The following COPA variants were observed in gnomAD, a reference collection of about 807,000 sequenced individuals.
The protein encoded by COPA is coat protein complex I subunit alpha.
In COPA, 10 loss-of-function variants were observed where a neutral mutation model predicts 158.7. That is an observed-to-expected ratio of 0.06 (90% confidence interval 0.04 to 0.11). The LOEUF (loss-of-function observed/expected upper bound fraction) is 0.11. Ranked by LOEUF, COPA falls within the 10% of genes least tolerant of loss-of-function variation. The pLI is 1.00. For missense variants in COPA, 1,065 were observed against 1,536.7 expected (o/e 0.69, Z 5.13); for synonymous variants, 462 against 542.8 (o/e 0.85, Z 2.07).
In COPA at chr1:160,293,038, G is replaced by T. The variant is rs544103946; in HGVS notation, c.2823+128C>A. On this transcript the variant is annotated intron_variant, in intron 27 of 32. Transcript: ENST00000241704. ...GGCAAGTGTACTTAACAAAGATAAA[G>T]AGTTTTCATGAAAAATATACACCTT... The T allele has an allele frequency of 5.3e-4, 499 of 948,940 alleles. 6 individuals carry two copies. The East Asian group carries it at 0.012, about 23-fold the overall frequency. The allele number at this position is 948,940 out of a possible 1,614,324, so 58.8% of individuals were successfully genotyped here.
intron 19 of COPA, among the ~76,000 whole-genome samples, chr1:160,298,458 C>T (rs761033967): frequency 5.3e-5 from 8 of 152,164 alleles, no homozygotes; most frequent in Non-Finnish European, 8.8e-5. Context: ...TTCATAAGCT[C>T]TTTTCGCCTT....
intron 9 of COPA, among the ~76,000 whole-genome samples, chr1:160,313,750 G>C (rs1391847302): frequency 6.6e-6 from 1 of 152,108 alleles, no homozygotes; most frequent in Admixed American, 6.5e-5. Flanking sequence ...TACAGAACTG[G>C]GGAAAGGGGG....
At chr1:160,336,206 G>A (rs929832459) in intron 3 of COPA, among the ~76,000 whole-genome samples, 12 of 151,840 alleles carry the variant, frequency 7.9e-5, no homozygotes, top group Admixed American at 1.3e-4. Context: ...AAAATTAGCC[G>A]GATGTGATCC....
intron 4 of COPA, among the ~76,000 whole-genome samples, chr1:160,334,064 T>G (rs1260741351): frequency 6.6e-6 from 1 of 152,236 alleles, no homozygotes; most frequent in Non-Finnish European, 1.5e-5. Context: ...GGGAATATTA[T>G]TTTATTGTCT....
At chr1:160,325,347 A>G (rs1659455982) in intron 7 of COPA, among the ~76,000 whole-genome samples, 196 bp downstream of exon 7, 2 of 151,584 alleles carry the variant, frequency 1.3e-5, no homozygotes, top group South Asian at 2.1e-4. Flanking sequence ...AGGTAATAAG[A>G]CTCTCCCTCA....
Position 160,297,632 on chromosome 1 carries a change from G to C in COPA, c.2091C>G (p.Thr697=), listed in dbSNP as rs755246796. Residue 697 remains threonine, a synonymous_variant, in exon 20 of 33, where the codon ACC becomes ACG. Coordinates refer to ENST00000241704, the MANE Select transcript of COPA (RefSeq NM_004371.4). ...HQIVEMCYQR[T]KNFDKLSFLY... is the part of the protein sequence containing the mutation. ...GGAAGGAAAGTTTGTCAAAGTTTTTGGTACGCTGATAGCACATTTCCACAA... is the reference window on the plus strand; with the variant it reads ...GGAAGGAAAGTTTGTCAAAGTTTTTCGTACGCTGATAGCACATTTCCACAA... The C allele has an allele frequency of 6.2e-7, 1 of 1,614,092 alleles. No individual in the cohort carries two copies. Among genetic ancestry groups the C allele is most frequent in the Non-Finnish European group, 8.5e-7 (1 of 1,180,000 alleles).
At chr1:160,327,538 G>A (rs982723123) in intron 6 of COPA, among the ~76,000 whole-genome samples, 46 of 145,910 alleles carry the variant, frequency 3.2e-4, no homozygotes, top group African/African-American at 1.0e-3. Flanking sequence ...CAGCCTGGGC[G>A]AAAGAACGAA....
In COPA at chr1:160,294,790, A is replaced by G. The variant is rs144925259; in HGVS notation, c.2544T>C (p.Asp848=). The G allele has an allele frequency of 1.9e-4, 312 of 1,614,072 alleles. No homozygotes were observed. Among genetic ancestry groups the G allele is most frequent in the Middle Eastern group, 4.9e-4 (3 of 6,084 alleles). ...DTVGTEGWGE[D]AELQLDEDGF... The stretch of plus-strand genomic sequence containing the variant: ...TACCTTCATCCAACTGCAGCTCTGC[A>G]TCCTCTCCCCAGCCCTCTGTACCAA... The change falls in exon 24 of 33, where the codon GAT becomes GAC. Residue 848 remains aspartate, a synonymous_variant. Coordinates refer to ENST00000241704, the MANE Select transcript of COPA (RefSeq NM_004371.4).
At chr1:160,305,640 GT>G in intron 16 of COPA, 47 bp downstream of exon 16, 2 of 1,613,888 alleles carry the variant, frequency 1.2e-6, no homozygotes, top group Non-Finnish European at 1.7e-6. Context: ...AGGGATCGGG[GT>G]GGAAGGGAAT....
intron 14 of COPA, 115 bp downstream of exon 14, chr1:160,307,048 T>C (rs1274115050): frequency 9.9e-7 from 1 of 1,007,748 alleles, no homozygotes; most frequent in Non-Finnish European, 1.5e-6. Context: ...AGCCAATACA[T>C]GAGAATCACG....
intron 1 of COPA, among the ~76,000 whole-genome samples, chr1:160,342,388 A>T (rs1648116357): frequency 6.6e-6 from 1 of 152,070 alleles, no homozygotes; most frequent in Admixed American, 6.6e-5. Context: ...TGAGGCTAAT[A>T]CTGCGATCTC....
chr1:160,313,407 C>T (rs1659033363), intron 9 of COPA, among the ~76,000 whole-genome samples: 1 of 119,114 alleles, frequency 8.4e-6, no homozygotes, highest in Non-Finnish European at 1.7e-5. Flanking sequence ...AATTTTATGG[C>T]TTTCATTCTG....
intron 8 of COPA, among the ~76,000 whole-genome samples, chr1:160,319,958 A>G (rs995339066): frequency 8.7e-5 from 13 of 150,130 alleles, no homozygotes; most frequent in Non-Finnish European, 1.9e-4. Flanking sequence ...TGAACAATCT[A>G]ATGATACACC....
Position 160,343,182 on chromosome 1 carries a change from C to T in COPA, c.-12G>A. On this transcript the variant is annotated 5_prime_UTR_variant, in exon 1 of 33. Transcript: ENST00000241704. ...AATTTGGTTAACATCTCTCAGGTCTCCGACTCCGATGTCTTAATCCGAGCC... is the reference window on the plus strand; with the variant it reads ...AATTTGGTTAACATCTCTCAGGTCTTCGACTCCGATGTCTTAATCCGAGCC... The T allele has an allele frequency of 6.2e-7, 1 of 1,614,194 alleles. No homozygotes were observed. Among genetic ancestry groups the T allele is most frequent in the East Asian group, 2.2e-5 (1 of 44,882 alleles).
At chr1:160,318,492 CAAAAAAAA>C (rs1184111001) in intron 8 of COPA, among the ~76,000 whole-genome samples, 3 of 58,080 alleles carry the variant, frequency 5.2e-5, no homozygotes, top group Admixed American at 2.2e-4. Context: ...AAAAAAAAAA[CAAAAAAAA>C]AAAAAAAACA....
At chr1:160,337,733 C>A (rs1647843002) in intron 3 of COPA, among the ~76,000 whole-genome samples, 2 of 151,918 alleles carry the variant, frequency 1.3e-5, no homozygotes, top group Admixed American at 6.6e-5. Flanking sequence ...AACAAACAAA[C>A]AAACAAACAA....
chr1:160,315,132 T>C (rs940109561), intron 8 of COPA, among the ~76,000 whole-genome samples: 12 of 152,138 alleles, frequency 7.9e-5, no homozygotes, highest in African/African-American at 2.7e-4. Context: ...TCTGAGCAGA[T>C]GGTAAGAGCA....
At chr1:160,325,127 A>G (rs1056745895) in intron 7 of COPA, among the ~76,000 whole-genome samples, 1 of 151,868 alleles carries the variant, frequency 6.6e-6, no homozygotes, top group African/African-American at 2.4e-5. Context: ...GTAGCTATGA[A>G]GATTAGATAA....
intron 8 of COPA, chr1:160,317,718 A>AT (rs1012601825): frequency 5.3e-5 from 74 of 1,403,056 alleles, no homozygotes; most frequent in Non-Finnish European, 6.9e-5. Flanking sequence ...TATTCTTTTT[A>AT]TTTTTTTTCT....
Sources: allele counts gnomAD v4.1 joint callset (sites outside exome capture counted in the v4.1 genomes callset), GRCh38; gene constraint gnomAD v4.1.1; transcripts MANE v1.5; gene names NCBI Gene and HGNC (gene_info 2026-07-23, HGNC 2026-07-21).